Variants in DOCK2 observed in about 807,000 individuals in gnomAD.
DOCK2 encodes dedicator of cytokinesis protein 2.
In DOCK2, 87 loss-of-function variants were observed where a neutral mutation model predicts 248.9. The ratio of observed to expected loss-of-function variants is 0.35; its 90% CI spans 0.29 to 0.42. DOCK2 has a LOEUF of 0.42. Among genes scored for constraint, DOCK2 ranks in the 10% least tolerant of loss-of-function variants. DOCK2 has a pLI of 1.00. For synonymous variants in DOCK2, 805 were observed against 821.6 expected (o/e 0.98, Z 0.35); for missense variants, 1,747 against 2,300.2 (o/e 0.76, Z 4.92).
At chr5:169,650,335 G>C (rs749860967) in intron 1 of DOCK2, among the ~76,000 whole-genome samples, 25 of 151,978 alleles carry the variant, frequency 1.6e-4, no homozygotes, top group Non-Finnish European at 3.4e-4. Context: ...TTAGAATTTA[G>C]ACTCCGAGAT....
intron 27 of DOCK2, among the ~76,000 whole-genome samples, chr5:169,849,427 C>T (rs1770501816): frequency 6.6e-6 from 1 of 152,160 alleles, no homozygotes; most frequent in South Asian, 2.1e-4. Context: ...CGATGAATAA[C>T]TAAGGTTAGT....
intron 7 of DOCK2, among the ~76,000 whole-genome samples, 158 bp downstream of exon 7, chr5:169,682,037 G>A (rs549285717): frequency 5.3e-4 from 80 of 152,248 alleles, no homozygotes; most frequent in Middle Eastern, 3.4e-3. Flanking sequence ...CTGTGGTTTC[G>A]TACTCAAATC....
chr5:169,709,520 G>A (rs997786007), intron 15 of DOCK2, among the ~76,000 whole-genome samples: 8 of 152,152 alleles, frequency 5.3e-5, no homozygotes, highest in Non-Finnish European at 7.3e-5. Context: ...GGGCAACATG[G>A]TGAAACTCTG....
rs1581390012 is a variant in DOCK2, at chr5:169,654,265, T to A, written c.44-138T>A. ...CTGAAATAACTCTTGTGGCAGGCAA[T>A]AGGTTTCTGTGTTGGTTTTGTTTAG... On this transcript the variant is annotated intron_variant, in intron 1 of 51. Transcript: ENST00000520908. 1.4e-5 allele frequency: 12 copies of A among 844,464 alleles called. No individual in the cohort carries two copies. The East Asian group carries it at 2.9e-4, about 20-fold the overall frequency. The allele number at this position is 844,464 out of a possible 1,614,324, so 52.3% of individuals were successfully genotyped here.
intron 1 of DOCK2, among the ~76,000 whole-genome samples, chr5:169,648,104 G>A (rs909862505): frequency 6.6e-6 from 1 of 152,148 alleles, no homozygotes; most frequent in African/African-American, 2.4e-5. Context: ...GTGCCTATAG[G>A]AGTACTAGAA....
At chr5:169,757,855 T>G (rs1434612728) in intron 23 of DOCK2, among the ~76,000 whole-genome samples, 2 of 152,132 alleles carry the variant, frequency 1.3e-5, no homozygotes, top group Non-Finnish European at 2.9e-5. Flanking sequence ...AAGTTGCAAA[T>G]TACACATCAG....
intron 44 of DOCK2, among the ~76,000 whole-genome samples, chr5:170,065,464 G>GAAC (rs1283459197): frequency 6.8e-6 from 1 of 146,084 alleles, no homozygotes; most frequent in African/African-American, 2.8e-5. Context: ...TAGAGTGACT[G>GAAC]AACAACAACA....
At chr5:169,913,783 T>C (rs1326549682) in intron 27 of DOCK2, among the ~76,000 whole-genome samples, 1 of 152,200 alleles carries the variant, frequency 6.6e-6, no homozygotes. Flanking sequence ...TTATTTTTGA[T>C]CAATGAGGAA....
intron 22 of DOCK2, among the ~76,000 whole-genome samples, chr5:169,736,343 A>C (rs1361677158): frequency 6.6e-6 from 1 of 152,144 alleles, no homozygotes; most frequent in Non-Finnish European, 1.5e-5. Flanking sequence ...GCAGCCCTGG[A>C]TTTTAAAGCT....
chr5:169,643,643 C>T (rs1222528551), intron 1 of DOCK2, among the ~76,000 whole-genome samples: 1 of 152,154 alleles, frequency 6.6e-6, no homozygotes, highest in Admixed American at 6.5e-5. Flanking sequence ...AGCCCGGTTC[C>T]TAACAGGCCA....
chr5:169,855,278 C>T (rs541481968), intron 27 of DOCK2, among the ~76,000 whole-genome samples: 1 of 152,316 alleles, frequency 6.6e-6, no homozygotes, highest in East Asian at 1.9e-4. Flanking sequence ...TAATGCGACT[C>T]TCCTTTTCTT....
At position 169,678,133 on chromosome 5, in the gene DOCK2, A is replaced by G. The variant is rs760359501; in HGVS notation, c.471-3611A>G. Among the ~76,000 whole-genome samples the G allele has an allele frequency of 6.7e-4, 102 of 152,196 alleles. 2 individuals are homozygous for G. The highest frequency in any genetic ancestry group is 8.8e-5 in the Non-Finnish European group (6 of 68,030). ...CAAGCACAGAGTTAAGTAAATGTGCATGGAGTAAGAGAGTATATGTTAGAA... is the reference window on the plus strand; with the variant it reads ...CAAGCACAGAGTTAAGTAAATGTGCGTGGAGTAAGAGAGTATATGTTAGAA... On this transcript the variant is annotated intron_variant, in intron 6 of 51. Transcript: ENST00000520908.
chr5:169,840,651 T>A (rs1309821546), intron 26 of DOCK2, 106 bp from the exon 27 acceptor site: 1 of 829,872 alleles, frequency 1.2e-6, no homozygotes, highest in East Asian at 2.7e-5. Flanking sequence ...GTGTTGGTGA[T>A]GGTGTTGAAG....
intron 1 of DOCK2, among the ~76,000 whole-genome samples, chr5:169,644,131 G>A (rs181583730): frequency 1.6e-4 from 25 of 152,320 alleles, no homozygotes; most frequent in African/African-American, 5.8e-4. Flanking sequence ...AGGTCATAGG[G>A]AGCAGTGCCT....
chr5:169,906,187 G>T (rs1008405054), intron 27 of DOCK2, among the ~76,000 whole-genome samples: 1 of 152,108 alleles, frequency 6.6e-6, no homozygotes, highest in African/African-American at 2.4e-5. Context: ...CATTGTGCCC[G>T]GGGCCGTGGA....
chr5:169,695,479 A>G (rs906781165), intron 9 of DOCK2: 2 of 207,022 alleles, frequency 9.7e-6, no homozygotes, highest in African/African-American at 4.7e-5. Flanking sequence ...TTTTGGATCT[A>G]TCACCTCGGC....
At chr5:169,889,935 G>A in intron 27 of DOCK2, among the ~76,000 whole-genome samples, 1 of 152,302 alleles carries the variant, frequency 6.6e-6, no homozygotes. Flanking sequence ...ACATTGCCGT[G>A]TCCCTTCTCT....
intron 29 of DOCK2, among the ~76,000 whole-genome samples, chr5:169,995,441 CTG>C (rs1393358289): frequency 4.6e-5 from 7 of 152,032 alleles, no homozygotes; most frequent in Non-Finnish European, 8.8e-5. Context: ...ACAGAAAAAA[CTG>C]AGAAAAAAAC....
chr5:169,670,670 T>C, intron 4 of DOCK2, 73 bp downstream of exon 4: 1 of 1,568,018 alleles, frequency 6.4e-7, no homozygotes, highest in South Asian at 1.2e-5. Context: ...ATTTTGAAAA[T>C]CTGACTTGGA....
Sources: gnomAD v4.1 joint callset for allele counts (sites outside exome capture counted in the v4.1 genomes callset) on GRCh38, gnomAD v4.1.1 for gene constraint, MANE v1.5 for transcripts, NCBI Gene and HGNC (gene_info 2026-07-23, HGNC 2026-07-21) for gene names.